NDUFA10: variants seen among roughly 807,000 people sequenced by gnomAD.
The protein encoded by NDUFA10 is NADH dehydrogenase [ubiquinone] 1 alpha subcomplex subunit 10, mitochondrial.
Under a neutral mutation model 47.8 loss-of-function variants are expected in NDUFA10, and 40 were observed. That is an observed-to-expected ratio of 0.84 (90% CI 0.65 to 1.09). The LOEUF is 1.09. Ranked by LOEUF, NDUFA10 falls within the 50% of genes least tolerant of loss-of-function variation. The probability of loss-of-function intolerance (pLI) is 0.00; values close to 1 mark genes in which losing one functional copy is unlikely to be tolerated. For synonymous variants in NDUFA10, 183 were observed against 172.2 expected, an observed-to-expected ratio of 1.06 and a Z score of -0.49; for missense variants, 413 against 451.1, an observed-to-expected ratio of 0.92 and a Z score of 0.76.
rs879341121 is a variant in NDUFA10, at chr2:240,017,469, C to T, written c.547+1084G>A. Among the ~76,000 whole-genome samples, 3 of 152,324 alleles carry T rather than the reference C, an allele frequency of 2.0e-5. No homozygotes were observed. The South Asian group carries it at 6.2e-4, about 32-fold the overall frequency. On this transcript the variant is annotated intron_variant, in intron 4 of 9. Coordinates refer to ENST00000252711, the MANE Select transcript of NDUFA10 (RefSeq NM_004544.4). Reference sequence around the variant, plus strand: ...GCCGGTTACACATTTCTCCTATGTGCCCCCAAAGCACCCAGGAGTAATGCT... The same window carrying T: ...GCCGGTTACACATTTCTCCTATGTGTCCCCAAAGCACCCAGGAGTAATGCT...
At chr2:240,019,983 T>A (rs1697552614) in intron 3 of NDUFA10, among the ~76,000 whole-genome samples, 2 of 152,076 alleles carry the variant, frequency 1.3e-5, no homozygotes, top group African/African-American at 4.8e-5. Flanking sequence ...CTAACCAAGA[T>A]CAGGGTTTAC....
In NDUFA10 at chr2:239,924,982, A is replaced by G. The variant is rs142474205; in HGVS notation, c.295-29668T>C. ...TTTACAATAACTCAAAAAATTACCT[A>G]TGTATAAATAAACATGCCATGTGCA... On this transcript the variant is annotated intron_variant, in intron 4 of 5. Transcript: ENST00000419408. 2.7e-3 allele frequency among the ~76,000 whole-genome samples: 414 copies of G among 152,284 alleles called. 3 individuals carry two copies. The highest frequency in any genetic ancestry group is 9.3e-3 in the African/African-American group (388 of 41,572).
rs954335913 is a variant in NDUFA10, at chr2:239,960,927, T to G, written c.*191A>C. 2 of 1,488,304 alleles carry G rather than the reference T, an allele frequency of 1.3e-6. No homozygotes were observed. Among genetic ancestry groups the G allele is most frequent in the Non-Finnish European group, 1.8e-6 (2 of 1,116,156 alleles). 92.2% of individuals were successfully genotyped at this position (1,488,304 alleles called of 1,614,324 possible). ...GCTAAAGGGTTCCAAACATCCAGAATGGAAGCTGCTTCCCCCAACTCCATT... is the reference window on the plus strand; with the variant it reads ...GCTAAAGGGTTCCAAACATCCAGAAGGGAAGCTGCTTCCCCCAACTCCATT... On this transcript the variant is annotated 3_prime_UTR_variant, in exon 10 of 10. Transcript: ENST00000252711.
At chr2:239,966,685 G>A (rs1378303299) in intron 9 of NDUFA10, among the ~76,000 whole-genome samples, 3 of 152,046 alleles carry the variant, frequency 2.0e-5, no homozygotes, top group Non-Finnish European at 4.4e-5. Context: ...TCACAGTTAA[G>A]AGGGTGAATG....
downstream of NDUFA10, among the ~76,000 whole-genome samples, chr2:239,953,460 G>A (rs896668535): frequency 1.3e-5 from 2 of 152,242 alleles, no homozygotes; most frequent in East Asian, 1.9e-4. Context: ...AAACTGCTCC[G>A]CGTTGATCTG....
At chr2:239,982,251 C>T (rs777621221) in intron 9 of NDUFA10, 4 of 1,610,186 alleles carry the variant, frequency 2.5e-6, no homozygotes, top group Admixed American at 3.4e-5. Flanking sequence ...TTCTGTTCAC[C>T]TCGCCTCTGA....
chr2:239,911,111 T>C (rs1193316351), intron 4 of NDUFA10, among the ~76,000 whole-genome samples: 1 of 152,178 alleles, frequency 6.6e-6, no homozygotes, highest in East Asian at 1.9e-4. Context: ...TGGGGCCTCG[T>C]TCCTGCCAGA....
At chr2:239,918,020 T>C (rs945585098) in intron 4 of NDUFA10, among the ~76,000 whole-genome samples, 1 of 152,088 alleles carries the variant, frequency 6.6e-6, no homozygotes, top group African/African-American at 2.4e-5. Context: ...AGCCCTGGAC[T>C]CCAGGTGGGG....
chr2:239,937,320 C>T (rs1694281345), intron 4 of NDUFA10, among the ~76,000 whole-genome samples: 1 of 152,210 alleles, frequency 6.6e-6, no homozygotes, highest in Non-Finnish European at 1.5e-5. Context: ...GATTTTAGAA[C>T]ATTTCCATCA....
intron 2 of NDUFA10, among the ~76,000 whole-genome samples, chr2:240,021,639 C>G (rs1697627774): frequency 6.6e-6 from 1 of 152,232 alleles, no homozygotes. Flanking sequence ...TGCCCTTATC[C>G]AGGTTCCTCC....
intron 8 of NDUFA10, among the ~76,000 whole-genome samples, chr2:239,996,057 C>A (rs992348164): frequency 1.2e-4 from 18 of 152,104 alleles, no homozygotes; most frequent in African/African-American, 3.9e-4. Flanking sequence ...AGACCGATGA[C>A]CCCAACTCTG....
chr2:239,947,033 T>C (rs1694467466), intron 4 of NDUFA10, among the ~76,000 whole-genome samples: 1 of 151,794 alleles, frequency 6.6e-6, no homozygotes, highest in African/African-American at 2.4e-5. Flanking sequence ...GTGCTGTGCC[T>C]CCCATGGGAC....
intron 9 of NDUFA10, among the ~76,000 whole-genome samples, chr2:239,972,995 C>T (rs914822097): frequency 2.6e-5 from 4 of 152,058 alleles, no homozygotes; most frequent in African/African-American, 9.7e-5. Context: ...CCACAGCAAT[C>T]ACATACAAAC....
At chr2:239,899,424 GTGTGATGGAGGAATGTGGAGGGT>G (rs1312430597) in intron 4 of NDUFA10, among the ~76,000 whole-genome samples, 4 of 129,124 alleles carry the variant, frequency 3.1e-5, no homozygotes, top group Non-Finnish European at 5.2e-5. Context: ...TGATGGAGGG[GTGTGATGGAGGAATGTGGAGGGT>G]TGTGATGGAG....
downstream of NDUFA10, among the ~76,000 whole-genome samples, chr2:239,956,021 G>GC (rs1694645649): frequency 6.6e-6 from 1 of 152,210 alleles, no homozygotes; most frequent in East Asian, 1.9e-4. Context: ...AGGAAAGGGG[G>GC]AAAAAAACAG....
At chr2:239,946,486 A>C (rs1160039841) in intron 4 of NDUFA10, among the ~76,000 whole-genome samples, 3 of 152,218 alleles carry the variant, frequency 2.0e-5, no homozygotes, top group Non-Finnish European at 2.9e-5. Flanking sequence ...CACTGCGCTC[A>C]GAGCCACGGA....
At chr2:239,941,305 G>A (rs1694356559) in intron 4 of NDUFA10, among the ~76,000 whole-genome samples, 1 of 152,186 alleles carries the variant, frequency 6.6e-6, no homozygotes, top group Non-Finnish European at 1.5e-5. Flanking sequence ...AATGGGAGTG[G>A]CACATAGGGT....
chr2:239,978,990 G>A lies in NDUFA10; in HGVS notation c.999+11084C>T, dbSNP rs929945929. Among the ~76,000 whole-genome samples the A allele has an allele frequency of 5.9e-5, 9 of 152,100 alleles. 1 individual carries two copies. The highest frequency in any genetic ancestry group is 3.9e-4 in the Admixed American group (6 of 15,266). On this transcript the variant is annotated intron_variant, in intron 9 of 9. Transcript: ENST00000252711. ...CTTTTCATGTGAAAGTTAGAATAAC[G>A]GCTTTGTTTCAATATATAAGCTCCA... is the stretch of plus-strand genomic sequence containing the variant.
At chr2:239,965,328 G>A (rs1190316333) in intron 9 of NDUFA10, among the ~76,000 whole-genome samples, 1 of 152,062 alleles carries the variant, frequency 6.6e-6, no homozygotes, top group Non-Finnish European at 1.5e-5. Context: ...TTCATTTGCA[G>A]CATCTCACAC....
Sources: allele counts gnomAD v4.1 joint callset (sites outside exome capture counted in the v4.1 genomes callset), GRCh38; gene constraint gnomAD v4.1.1; transcripts MANE v1.5; gene names NCBI Gene and HGNC (gene_info 2026-07-23, HGNC 2026-07-21).